Variants in CATSPERE observed in about 807,000 individuals in gnomAD.
The protein encoded by CATSPERE is catsper channel auxiliary subunit epsilon.
Under a neutral mutation model 114.1 loss-of-function variants are expected in CATSPERE, and 93 were observed. That is an observed-to-expected ratio of 0.81 (90% CI 0.69 to 0.97). CATSPERE has a LOEUF of 0.97. CATSPERE is among the 50% of genes least tolerant of loss of function. The pLI is 0.00. For missense variants in CATSPERE, 1,058 were observed against 1,131.6 expected (o/e 0.93, Z 0.93); for synonymous variants, 341 against 384.1 (o/e 0.89, Z 1.31).
At chr1:244,455,514 T>C (rs1470406663) in intron 1 of CATSPERE, among the ~76,000 whole-genome samples, 1 of 151,612 alleles carries the variant, frequency 6.6e-6, no homozygotes, top group Non-Finnish European at 1.5e-5. Context: ...GTTTTTTTTT[T>C]TTTTTAAAGA....
intron 8 of CATSPERE, among the ~76,000 whole-genome samples, chr1:244,535,255 C>G (rs967214084): frequency 1.3e-5 from 2 of 152,150 alleles, no homozygotes; most frequent in Non-Finnish European, 2.9e-5. Context: ...CCCGCTGTAA[C>G]CTGGCTACCA....
In CATSPERE at chr1:244,518,604, C is replaced by T; in HGVS notation, c.442C>T (p.Leu148Phe). ...TTTGTTTTTACAGAATTCCATAGTA[C>T]TCAGCACACAGATGGCCACATTGGG... ...AEEPSINSIV[L>F]STQMATLGQK... is the part of the protein sequence containing the mutation. Residue 148 changes from leucine (L) to phenylalanine (F), a missense_variant, in exon 8 of 22, where the codon CTC becomes TTC. By Grantham distance (22) the Leu-to-Phe change is conservative (BLOSUM62 0). Transcript: ENST00000366534. 1 of 1,577,806 alleles carries T rather than the reference C, an allele frequency of 6.3e-7. No homozygotes were observed. The highest frequency in any genetic ancestry group is 1.1e-5 in the South Asian group (1 of 89,412).
chr1:244,462,266 C>T (rs1024466533), intron 1 of CATSPERE, among the ~76,000 whole-genome samples: 4 of 152,214 alleles, frequency 2.6e-5, no homozygotes, highest in African/African-American at 9.7e-5. Flanking sequence ...GCACACCCCA[C>T]ACACCTATGG....
intron 11 of CATSPERE, among the ~76,000 whole-genome samples, chr1:244,580,594 T>G (rs575121431): frequency 1.3e-5 from 2 of 152,282 alleles, no homozygotes; most frequent in African/African-American, 4.8e-5. Context: ...GTAATCACCA[T>G]TCACGTCAAA....
At chr1:244,501,206 C>T (rs1047905279) in intron 7 of CATSPERE, among the ~76,000 whole-genome samples, 6 of 152,182 alleles carry the variant, frequency 3.9e-5, no homozygotes, top group African/African-American at 1.2e-4. Context: ...AGGGGCTGAC[C>T]ATTAAGGTGC....
chr1:244,543,130 C>A (rs915822240), intron 8 of CATSPERE, among the ~76,000 whole-genome samples: 2 of 152,100 alleles, frequency 1.3e-5, no homozygotes, highest in Non-Finnish European at 2.9e-5. Flanking sequence ...CATCCCACTT[C>A]TAAGTGTGTA....
chr1:244,606,206 C>T (rs1435855391), intron 18 of CATSPERE, among the ~76,000 whole-genome samples: 1 of 152,156 alleles, frequency 6.6e-6, no homozygotes, highest in Non-Finnish European at 1.5e-5. Context: ...CTTCAGTGTC[C>T]CTACACTCTC....
In CATSPERE at chr1:244,515,882, A is replaced by G. The variant is rs576170407; in HGVS notation, c.430-2710A>G. Among the ~76,000 whole-genome samples, 120 of 150,034 alleles carry G rather than the reference A, an allele frequency of 8.0e-4. 1 individual carries two copies. Among genetic ancestry groups the G allele is most frequent in the African/African-American group, 2.8e-3 (117 of 41,176 alleles). On this transcript the variant is annotated intron_variant, in intron 7 of 21. Transcript: ENST00000366534. Reference sequence around the variant, plus strand: ...TAAAATACTATTAAAAATAATAATAATATAATAATAATGCTATTAAAAATA... The same window carrying G: ...TAAAATACTATTAAAAATAATAATAGTATAATAATAATGCTATTAAAAATA...
intron 8 of CATSPERE, among the ~76,000 whole-genome samples, chr1:244,546,236 G>T (rs146432761): frequency 1.3e-5 from 2 of 152,260 alleles, no homozygotes; most frequent in African/African-American, 4.8e-5. Context: ...AACTGTGATG[G>T]TCCTGGGCTT....
chr1:244,625,684 T>C (rs1397527748), intron 20 of CATSPERE, among the ~76,000 whole-genome samples: 3 of 150,880 alleles, frequency 2.0e-5, no homozygotes, highest in Admixed American at 6.6e-5. Flanking sequence ...ACCTTGGCCT[T>C]CCAAAGTGCT....
rs143559283 is a variant in CATSPERE, at chr1:244,506,490, C to T, written c.429+7411C>T. On this transcript the variant is annotated intron_variant, in intron 7 of 21. Transcript: ENST00000366534. ...TGCCACACCATTTTCCATAGCACCT[C>T]CACCATCTTACATTCCCATTAACAG... 4.9e-3 allele frequency among the ~76,000 whole-genome samples: 748 copies of T among 152,304 alleles called. 6 individuals carry two copies. The highest frequency in any genetic ancestry group is 0.017 in the African/African-American group (720 of 41,560).
chr1:244,474,950 T>C (rs1454012211), intron 2 of CATSPERE, among the ~76,000 whole-genome samples: 1 of 151,856 alleles, frequency 6.6e-6, no homozygotes, highest in East Asian at 1.9e-4. Context: ...CCTATGTTGC[T>C]CAGGCTGGTC....
chr1:244,521,902 G>A (rs1259671266), intron 8 of CATSPERE, among the ~76,000 whole-genome samples: 1 of 149,568 alleles, frequency 6.7e-6, no homozygotes, highest in Admixed American at 6.6e-5. Context: ...AAAGTCATTG[G>A]TGAGACTGTC....
At chr1:244,604,386 T>G (rs899534590) in intron 17 of CATSPERE, among the ~76,000 whole-genome samples, 2 of 152,252 alleles carry the variant, frequency 1.3e-5, no homozygotes, top group Non-Finnish European at 2.9e-5. Flanking sequence ...TTGTCCCCAG[T>G]TTGTGAGAAT....
chr1:244,470,072 A>G (rs1039433491), intron 2 of CATSPERE, among the ~76,000 whole-genome samples: 2 of 152,238 alleles, frequency 1.3e-5, no homozygotes, highest in African/African-American at 4.8e-5. Flanking sequence ...ACCTAAATGT[A>G]AGAGCTAAAA....
At chr1:244,468,448 T>G (rs1667961937) in intron 2 of CATSPERE, among the ~76,000 whole-genome samples, 1 of 152,162 alleles carries the variant, frequency 6.6e-6, no homozygotes, top group Non-Finnish European at 1.5e-5. Context: ...ATTATTTTTA[T>G]GTAGGTGGCA....
At chr1:244,624,273 CA>C (rs1371256274) in intron 20 of CATSPERE, among the ~76,000 whole-genome samples, 1 of 151,804 alleles carries the variant, frequency 6.6e-6, no homozygotes, top group Non-Finnish European at 1.5e-5. Context: ...GCCTGGCCGG[CA>C]GTTTCTTAAA....
At chr1:244,475,179 T>C (rs1669108507) in intron 2 of CATSPERE, among the ~76,000 whole-genome samples, 1 of 152,108 alleles carries the variant, frequency 6.6e-6, no homozygotes, top group Non-Finnish European at 1.5e-5. Flanking sequence ...TTCTCTGTTG[T>C]CCTTTTATTA....
rs1402795504 is a variant in CATSPERE at position 244,605,673 on chromosome 1, TTC to T, written c.2304-20_2304-19del. On this transcript the variant is annotated intron_variant, in intron 17 of 21. Transcript: ENST00000366534. ...TCTATTTTATATTAAACTAGTATCT[TTC>T]TGTTTGTTGTTTCTTTCAGATTTGA... The T allele has an allele frequency of 1.3e-6, 2 of 1,514,536 alleles. No homozygotes were observed. Among genetic ancestry groups the T allele is most frequent in the South Asian group, 1.1e-5 (1 of 88,470 alleles). The allele number at this position is 1,514,536 out of a possible 1,614,324, so 93.8% of individuals were successfully genotyped here.
Sources: gnomAD v4.1 joint callset for allele counts (sites outside exome capture counted in the v4.1 genomes callset) on GRCh38, gnomAD v4.1.1 for gene constraint, MANE v1.5 for transcripts, NCBI Gene and HGNC (gene_info 2026-07-23, HGNC 2026-07-21) for gene names.